SDK2: variants seen among roughly 807,000 people sequenced by gnomAD.
SDK2 encodes the protein sidekick cell adhesion molecule 2.
Under a neutral mutation model 253.9 loss-of-function variants are expected in SDK2, and 105 were observed. That is an observed-to-expected ratio of 0.41 (90% CI 0.35 to 0.49). SDK2 has a LOEUF of 0.49. SDK2 is among the 20% of genes least tolerant of loss of function. The pLI is 0.06. For missense variants in SDK2, 2,608 were observed against 3,003.0 expected (o/e 0.87, Z 3.07); for synonymous variants, 1,249 against 1,234.9 (o/e 1.01, Z -0.24).
chr17:73,605,416 A>G (rs1336710371), intron 1 of SDK2, among the ~76,000 whole-genome samples: 1 of 152,128 alleles, frequency 6.6e-6, no homozygotes, highest in Non-Finnish European at 1.5e-5. Context: ...AGGGGGTGGA[A>G]AAAGTCTTGC....
intron 1 of SDK2, among the ~76,000 whole-genome samples, chr17:73,636,384 A>G (rs748793416): frequency 1.3e-5 from 2 of 152,136 alleles, no homozygotes; most frequent in Non-Finnish European, 2.9e-5. Context: ...AAACTGGGGA[A>G]GAAGCAAAAG....
intron 2 of SDK2, among the ~76,000 whole-genome samples, chr17:73,477,608 T>A (rs576590016): frequency 1.4e-4 from 22 of 152,332 alleles, no homozygotes; most frequent in African/African-American, 5.3e-4. Context: ...GCACAAATGC[T>A]TGCCAAGTGA....
At chr17:73,501,153 G>T (rs1353369649) in intron 2 of SDK2, among the ~76,000 whole-genome samples, 1 of 152,132 alleles carries the variant, frequency 6.6e-6, no homozygotes, top group Non-Finnish European at 1.5e-5. Flanking sequence ...CCTTCCTGCT[G>T]TACTCAGACA....
At chr17:73,355,815 C>A (rs1348941502) in intron 40 of SDK2, among the ~76,000 whole-genome samples, 1 of 152,162 alleles carries the variant, frequency 6.6e-6, no homozygotes, top group Non-Finnish European at 1.5e-5. Flanking sequence ...TCCTCCCTGG[C>A]CTTTTCATAG....
chr17:73,411,058 T>C (rs1029430429), intron 18 of SDK2, among the ~76,000 whole-genome samples: 2 of 152,140 alleles, frequency 1.3e-5, no homozygotes, highest in Admixed American at 6.5e-5. Context: ...GGCCTCCCCT[T>C]CCTTCCTCTG....
At chr17:73,400,600 G>A (rs1022405035) in intron 21 of SDK2, among the ~76,000 whole-genome samples, 3 of 152,198 alleles carry the variant, frequency 2.0e-5, no homozygotes, top group African/African-American at 7.2e-5. Flanking sequence ...ACAGCACAAG[G>A]GAAGGGGAGA....
intron 1 of SDK2, among the ~76,000 whole-genome samples, chr17:73,633,274 G>A (rs1321381523): frequency 6.6e-6 from 1 of 152,012 alleles, no homozygotes. Context: ...GACAGAGACC[G>A]ACATCTCAAA....
intron 44 of SDK2, among the ~76,000 whole-genome samples, chr17:73,347,705 A>C (rs2062496374): frequency 6.6e-6 from 1 of 151,974 alleles, no homozygotes; most frequent in Non-Finnish European, 1.5e-5. Flanking sequence ...TTCCTCAATA[A>C]CCACTGGGCT....
chr17:73,514,581 T>A (rs2064008496), intron 1 of SDK2, among the ~76,000 whole-genome samples: 1 of 152,188 alleles, frequency 6.6e-6, no homozygotes, highest in South Asian at 2.1e-4. Flanking sequence ...AAGGGGGTGA[T>A]GGCTTCTGCC....
At chr17:73,628,325 T>C (rs1180273229) in intron 1 of SDK2, among the ~76,000 whole-genome samples, 3 of 152,166 alleles carry the variant, frequency 2.0e-5, no homozygotes, top group African/African-American at 7.2e-5. Flanking sequence ...TCATAAGCCA[T>C]GCTACTCTGG....
chr17:73,545,332 G>C (rs1446432430), intron 1 of SDK2, among the ~76,000 whole-genome samples: 2 of 152,098 alleles, frequency 1.3e-5, no homozygotes, highest in East Asian at 1.9e-4. Context: ...TATGTGGTTC[G>C]GGTCCCATGG....
At position 73,337,843 on chromosome 17, in the gene SDK2, C is replaced by G. The variant is rs75670077; in HGVS notation, c.*744G>C. ...CAGTTGTGGGGGGTTTCTCCCCTAC[C>G]CTTGGGCTCTCTTCCTTGGATTCAA... On this transcript the variant is annotated 3_prime_UTR_variant, in exon 45 of 45. Coordinates refer to ENST00000392650, the MANE Select transcript of SDK2 (RefSeq NM_001144952.2). 1 of 152,256 alleles carries G rather than the reference C, an allele frequency of 6.6e-6. No individual in the cohort carries two copies. Among genetic ancestry groups the G allele is most frequent in the Non-Finnish European group, 1.5e-5 (1 of 68,100 alleles). The allele number at this position is 152,256 out of a possible 1,614,324, so 9.4% of individuals were successfully genotyped here.
intron 18 of SDK2, among the ~76,000 whole-genome samples, chr17:73,414,419 G>A (rs778103516): frequency 6.6e-6 from 1 of 152,142 alleles, no homozygotes; most frequent in Non-Finnish European, 1.5e-5. Context: ...GGGAAGGACC[G>A]TAGCACTGAG....
At chr17:73,339,067 G>C in intron 44 of SDK2, 127 bp from the exon 45 acceptor site, 1 of 829,236 alleles carries the variant, frequency 1.2e-6, no homozygotes, top group Non-Finnish European at 1.9e-6. Flanking sequence ...TTGGACTGTG[G>C]GCCTCCCAGC....
In SDK2 at chr17:73,385,846, C is replaced by T. The variant is rs1208715536; in HGVS notation, c.4569+1G>A. On this transcript the variant is annotated splice_donor_variant, in intron 32 of 44. Coordinates refer to ENST00000392650, the MANE Select transcript of SDK2 (RefSeq NM_001144952.2). LOFTEE classifies it high-confidence loss of function. ...GAGGTTTCCTGCCCGCTGGGCCATA[C>T]CTGCCATCGGATTAGCACGGAGGTG... The T allele has an allele frequency of 6.2e-7, 1 of 1,605,010 alleles. No individual in the cohort carries two copies. Among genetic ancestry groups the T allele is most frequent in the Non-Finnish European group, 8.5e-7 (1 of 1,176,518 alleles).
intron 1 of SDK2, among the ~76,000 whole-genome samples, chr17:73,608,315 A>G (rs1616268): frequency 0.014 from 2,109 of 152,120 alleles, 47 homozygotes; most frequent in African/African-American, 0.047. Flanking sequence ...ACGGAGGTAA[A>G]GGGCCCTTCT....
intron 9 of SDK2, 59 bp from the exon 10 acceptor site, chr17:73,433,907 AG>A: frequency 7.9e-7 from 1 of 1,261,872 alleles, no homozygotes; most frequent in Non-Finnish European, 1.1e-6. Context: ...CCCAAGCCAG[AG>A]GGCCAGGGGC....
chr17:73,571,562 G>A (rs2045387155), intron 1 of SDK2, among the ~76,000 whole-genome samples: 1 of 152,212 alleles, frequency 6.6e-6, no homozygotes, highest in South Asian at 2.1e-4. Flanking sequence ...AGCAGCCTGT[G>A]CCTAATGACC....
rs751627771 is a variant in SDK2, at chr17:73,419,268, T to C, written c.2084A>G (p.Gln695Arg). 3.1e-6 allele frequency: 5 copies of C among 1,612,986 alleles called. No individual in the cohort carries two copies. The African/African-American group carries it at 6.7e-5, about 22-fold the overall frequency. Reference protein sequence around the residue: ...LPEEPPTAPPQNVIASGRTNQ... With the variant: ...LPEEPPTAPPRNVIASGRTNQ... ...GGTTCGACCGCTGGCGATGACGTTC[T>C]GTGGAGGGGCCGTGGGGGGCTCCTC... The change falls in exon 16 of 45, where the codon CAG becomes CGG. Residue 695 changes from glutamine to arginine, a missense_variant. This residue lies in a region of SDK2 where 1,505 missense variants were observed against 1,859.1 expected (regional missense o/e 0.81). Transcript: ENST00000392650.
Sources: allele counts gnomAD v4.1 joint callset (sites outside exome capture counted in the v4.1 genomes callset), GRCh38; gene constraint gnomAD v4.1.1; regional missense constraint gnomAD v4.1.1; transcripts MANE v1.5; gene names NCBI Gene and HGNC (gene_info 2026-07-23, HGNC 2026-07-21).